Variants in PLAG1 observed in about 807,000 individuals in gnomAD.
The protein encoded by PLAG1 is PLAG1 zinc finger.
PLAG1 carries 7 observed loss-of-function variants against 35.5 expected under a neutral mutation model. The ratio of observed to expected loss-of-function variants is 0.20; its 90% CI spans 0.11 to 0.37. PLAG1 has a LOEUF of 0.37. PLAG1 is among the 10% of genes least tolerant of loss of function. The probability of loss-of-function intolerance (pLI) is 1.00; values close to 1 mark genes in which losing one functional copy is unlikely to be tolerated. For synonymous variants in PLAG1, 229 were observed against 225.4 expected (o/e 1.02, Z -0.14); for missense variants, 454 against 602.8 (o/e 0.75, Z 2.58).
intron 1 of PLAG1, among the ~76,000 whole-genome samples, chr8:56,205,696 T>A (rs1478266407): frequency 6.6e-6 from 1 of 151,996 alleles, no homozygotes; most frequent in Non-Finnish European, 1.5e-5. Flanking sequence ...TGTTTAAAAT[T>A]CTTATTTTTA....
chr8:56,196,661 G>A (rs543814725), intron 1 of PLAG1, among the ~76,000 whole-genome samples: 45 of 152,184 alleles, frequency 3.0e-4, no homozygotes, highest in Admixed American at 6.5e-4. Context: ...GACGAGCAGC[G>A]TGTGCACATC....
intron 1 of PLAG1, among the ~76,000 whole-genome samples, chr8:56,191,014 G>A (rs140539257): frequency 8.5e-5 from 13 of 152,270 alleles, no homozygotes; most frequent in Middle Eastern, 3.4e-3. Flanking sequence ...CCGGCGCTAC[G>A]GAATTTAAAG....
chr8:56,162,726 T>TTTA lies in PLAG1; in HGVS notation c.*3516_*3517insTAA. 1 of 210,512 alleles carries TTTA rather than the reference T, an allele frequency of 4.8e-6. No individual in the cohort carries two copies. 13.0% of individuals were successfully genotyped at this position (210,512 alleles called of 1,614,324 possible). A position where few individuals can be genotyped will look rare whatever the true frequency, so the allele number is the denominator to read the frequency against. The stretch of plus-strand genomic sequence containing the variant: ...CTAGATGAACGATCCTGAAAATATG[T>TTTA]ACTCTTTAACATTCATTATTAGCTT... On this transcript the variant is annotated 3_prime_UTR_variant, in exon 5 of 5. Coordinates refer to ENST00000316981, the MANE Select transcript of PLAG1 (RefSeq NM_002655.3).
chr8:56,166,254 C>A lies in PLAG1; in HGVS notation c.1492G>T (p.Ala498Ser). 1 of 1,586,528 alleles carries A rather than the reference C, an allele frequency of 6.3e-7. No homozygotes were observed. Among genetic ancestry groups the A allele is most frequent in the Non-Finnish European group, 8.6e-7 (1 of 1,167,070 alleles). ...CATGTCCCAGAATCCTACTGAAAAG[C>A]TTGATGGAAACGTGGGAGGGTGGTA... Reference protein sequence around the residue: ...TSTTLPRFHQAFQ With the variant: ...TSTTLPRFHQSFQ The change falls in exon 5 of 5, where the codon GCT (alanine) becomes TCT (serine). Residue 498 changes from alanine (A) to serine (S), a missense_variant. Physicochemically the swap from Ala to Ser is moderately conservative, Grantham distance 99. Transcript: ENST00000316981.
At chr8:56,193,553 T>C (rs185901012) in intron 1 of PLAG1, among the ~76,000 whole-genome samples, 5 of 152,280 alleles carry the variant, frequency 3.3e-5, no homozygotes, top group Non-Finnish European at 7.4e-5. Context: ...TTTTGTACCC[T>C]TGACCCTGCT....
intron 1 of PLAG1, among the ~76,000 whole-genome samples, chr8:56,210,813 A>G (rs1244930753): frequency 4.0e-5 from 6 of 149,452 alleles, no homozygotes; most frequent in Admixed American, 3.3e-4. Flanking sequence ...CAAACTTTCC[A>G]GACCCTGAAT....
At chr8:56,170,539 G>A (rs1811495960) in intron 3 of PLAG1, among the ~76,000 whole-genome samples, 2 of 152,218 alleles carry the variant, frequency 1.3e-5, no homozygotes, top group South Asian at 2.1e-4. Context: ...TTAGAACATC[G>A]TGGGAAACAA....
rs1454827470 is a variant in PLAG1, at chr8:56,164,828, TTTTAC to T, written c.*1410_*1414del. On this transcript the variant is annotated 3_prime_UTR_variant, in exon 5 of 5. Coordinates refer to ENST00000316981, the MANE Select transcript of PLAG1 (RefSeq NM_002655.3). ...TTTCATGTTAACCAAGATAGGTTTG[TTTTAC>T]TTTACTTTGTTACCCTCTACAAACT... 1.4e-5 allele frequency: 3 copies of T among 211,580 alleles called. No homozygotes were observed. The highest frequency in any genetic ancestry group is 2.9e-5 in the Non-Finnish European group (3 of 104,246). 13.1% of individuals were successfully genotyped at this position (211,580 alleles called of 1,614,324 possible). A position where few individuals can be genotyped will look rare whatever the true frequency, so the allele number is the denominator to read the frequency against.
At position 56,161,968 on chromosome 8, in the gene PLAG1, G is replaced by C. The variant is rs1293003873; in HGVS notation, c.*4275C>G. The stretch of plus-strand genomic sequence containing the variant: ...CAAAAGACACTGCCTTCCATCCTCA[G>C]AGGGTTGACAACATCATAGAAAGGC... On this transcript the variant is annotated 3_prime_UTR_variant, in exon 5 of 5. Transcript: ENST00000316981. 4.4e-6 allele frequency: 1 copy of C among 227,450 alleles called. No individual in the cohort carries two copies. The highest frequency in any genetic ancestry group is 8.8e-6 in the Non-Finnish European group (1 of 114,118). 14.1% of individuals were successfully genotyped at this position (227,450 alleles called of 1,614,324 possible).
intron 2 of PLAG1, among the ~76,000 whole-genome samples, chr8:56,178,799 C>T (rs764396879): frequency 5.3e-5 from 8 of 151,976 alleles, no homozygotes; most frequent in Non-Finnish European, 7.4e-5. Context: ...ACCAAATCCA[C>T]GTGTGCCTGG....
chr8:56,203,901 T>C (rs1159641270), intron 1 of PLAG1, among the ~76,000 whole-genome samples: 1 of 151,986 alleles, frequency 6.6e-6, no homozygotes, highest in Non-Finnish European at 1.5e-5. Flanking sequence ...AAGAACATTT[T>C]CTCAGATTTA....
chr8:56,205,871 T>C (rs1297939981), intron 1 of PLAG1, among the ~76,000 whole-genome samples: 2 of 151,996 alleles, frequency 1.3e-5, no homozygotes, highest in Non-Finnish European at 2.9e-5. Flanking sequence ...ATTCTACACA[T>C]GCACACACAT....
chr8:56,183,096 G>C (rs1811920269), intron 1 of PLAG1, among the ~76,000 whole-genome samples: 1 of 152,114 alleles, frequency 6.6e-6, no homozygotes, highest in Admixed American at 6.6e-5. Flanking sequence ...GGAGTGTCCA[G>C]GGTATCCTTG....
chr8:56,166,238 G>C lies in PLAG1; in HGVS notation c.*5C>G, dbSNP rs774529289. On this transcript the variant is annotated 3_prime_UTR_variant, in exon 5 of 5. Coordinates refer to ENST00000316981, the MANE Select transcript of PLAG1 (RefSeq NM_002655.3). ...ATTTCTGTAATGAATCCATGTCCCA[G>C]AATCCTACTGAAAAGCTTGATGGAA... is the stretch of plus-strand genomic sequence containing the variant. The C allele has an allele frequency of 6.4e-7, 1 of 1,566,128 alleles. No homozygotes were observed. Among genetic ancestry groups the C allele is most frequent in the East Asian group, 2.2e-5 (1 of 44,490 alleles).
intron 1 of PLAG1, among the ~76,000 whole-genome samples, chr8:56,191,277 T>C (rs1320283755): frequency 6.6e-6 from 1 of 152,082 alleles, no homozygotes; most frequent in East Asian, 1.9e-4. Flanking sequence ...GAGCCAGCGG[T>C]GGCAGCAGGG....
chr8:56,175,991 A>ACT (rs1426837690), intron 2 of PLAG1, among the ~76,000 whole-genome samples: 46 of 151,606 alleles, frequency 3.0e-4, no homozygotes, highest in Admixed American at 2.6e-4. Flanking sequence ...TAGAGCAAAA[A>ACT]TGCCACGTTA....
chr8:56,174,685 G>C (rs1480292804), intron 2 of PLAG1, among the ~76,000 whole-genome samples: 2 of 152,186 alleles, frequency 1.3e-5, no homozygotes, highest in African/African-American at 4.8e-5. Context: ...ATAGACATAA[G>C]ATAGAATTTA....
chr8:56,193,633 G>A (rs1011686994), intron 1 of PLAG1, among the ~76,000 whole-genome samples: 2 of 151,810 alleles, frequency 1.3e-5, no homozygotes, highest in Non-Finnish European at 2.9e-5. Context: ...CTAAGCATTC[G>A]AGACTGATGT....
At position 56,168,156 on chromosome 8, in the gene PLAG1, C is replaced by T; in HGVS notation, c.114G>A (p.Leu38=). The T allele has an allele frequency of 6.2e-7, 1 of 1,612,918 alleles. No homozygotes were observed. Reference sequence around the variant, plus strand: ...CAACACTGTTAAAGGCCTTGTCACACAGTTGGCAAGGAAAGTTTTTTCTTG... The same window carrying T: ...CAACACTGTTAAAGGCCTTGTCACATAGTTGGCAAGGAAAGTTTTTTCTTG... ...TKPRKNFPCQ[L]CDKAFNSVEK... is the part of the protein sequence containing the mutation. The change falls in exon 4 of 5, where the codon CTG becomes CTA. Residue 38 remains leucine, a synonymous_variant. Transcript: ENST00000316981.
Sources: gnomAD v4.1 joint callset for allele counts (sites outside exome capture counted in the v4.1 genomes callset) on GRCh38, gnomAD v4.1.1 for gene constraint, MANE v1.5 for transcripts, NCBI Gene and HGNC (gene_info 2026-07-23, HGNC 2026-07-21) for gene names.